AGBL1: variants seen among roughly 807,000 people sequenced by gnomAD.
AGBL1 encodes the protein cytosolic carboxypeptidase 4.
A neutral mutation model predicts 118.9 loss-of-function variants in AGBL1; 130 were observed. The ratio of observed to expected loss-of-function variants is 1.09; its 90% confidence interval spans 0.95 to 1.26. The LOEUF (loss-of-function observed/expected upper bound fraction) is 1.26, where lower values mean the gene tolerates loss of function less well. AGBL1 is among the 50% of genes most tolerant of loss of function. The pLI is 0.00. For synonymous variants in AGBL1, 555 were observed against 478.9 expected (o/e 1.16, Z -2.08); for missense variants, 1,584 against 1,298.1 (o/e 1.22, Z -3.38).
chr15:86,969,830 A>C (rs536055812), intron 23 of AGBL1, among the ~76,000 whole-genome samples: 4 of 152,088 alleles, frequency 2.6e-5, no homozygotes, highest in African/African-American at 9.6e-5. Flanking sequence ...ACAGCATGCT[A>C]TTAACCAAAT....
chr15:86,259,231 T>C (rs2078945422), intron 9 of AGBL1, among the ~76,000 whole-genome samples: 1 of 152,150 alleles, frequency 6.6e-6, no homozygotes, highest in African/African-American at 2.4e-5. Context: ...ACCAAAAATA[T>C]CTCTTAGACT....
At chr15:86,444,811 A>G (rs993430668) in intron 18 of AGBL1, among the ~76,000 whole-genome samples, 3 of 152,138 alleles carry the variant, frequency 2.0e-5, no homozygotes, top group African/African-American at 7.2e-5. Flanking sequence ...TCACAGTCCC[A>G]TGACAACCAC....
intron 20 of AGBL1, among the ~76,000 whole-genome samples, chr15:86,546,575 CA>C (rs1379474294): frequency 2.0e-5 from 3 of 151,874 alleles, no homozygotes. Context: ...ATACTGAATA[CA>C]AAAGGACTTC....
chr15:86,747,067 C>T (rs1396268886), intron 22 of AGBL1, among the ~76,000 whole-genome samples: 1 of 152,004 alleles, frequency 6.6e-6, no homozygotes, highest in Non-Finnish European at 1.5e-5. Flanking sequence ...AATGTCTCAG[C>T]TTCACAGCCC....
intron 1 of AGBL1, among the ~76,000 whole-genome samples, chr15:86,123,532 G>A (rs1432415943): frequency 2.0e-5 from 3 of 152,104 alleles, no homozygotes; most frequent in Non-Finnish European, 4.4e-5. Flanking sequence ...GAGATACCAC[G>A]CCCACCCCGG....
chr15:86,666,571 G>T (rs2085648822), intron 21 of AGBL1, among the ~76,000 whole-genome samples: 1 of 152,058 alleles, frequency 6.6e-6, no homozygotes, highest in African/African-American at 2.4e-5. Flanking sequence ...AATAACAGTG[G>T]TGAAAGCAGG....
intron 22 of AGBL1, among the ~76,000 whole-genome samples, chr15:86,756,302 G>C (rs1707930777): frequency 6.6e-6 from 1 of 151,278 alleles, no homozygotes. Flanking sequence ...CAGATTCCAA[G>C]TGAAGTTTGC....
intron 16 of AGBL1, among the ~76,000 whole-genome samples, chr15:86,292,901 G>A (rs1281183479): frequency 1.3e-5 from 2 of 152,186 alleles, no homozygotes; most frequent in Non-Finnish European, 2.9e-5. Context: ...GCTGATGAAG[G>A]TTGGGGAATA....
chr15:86,358,471 A>G (rs1357353198), intron 17 of AGBL1, among the ~76,000 whole-genome samples: 1 of 152,000 alleles, frequency 6.6e-6, no homozygotes, highest in East Asian at 1.9e-4. Context: ...GCGGTTGTGA[A>G]TTATCTTGCA....
chr15:86,916,287 G>A (rs1231405151), downstream of AGBL1: 1 of 152,168 alleles, frequency 6.6e-6, no homozygotes, highest in African/African-American at 2.4e-5. Context: ...TGTCCAAGGA[G>A]GCAAGCCGCA....
intron 5 of AGBL1, among the ~76,000 whole-genome samples, chr15:86,207,639 T>C (rs1469002814): frequency 6.6e-6 from 1 of 152,212 alleles, no homozygotes; most frequent in Admixed American, 6.5e-5. Flanking sequence ...ATAGGAATGC[T>C]TGTGATTTTT....
chr15:86,512,323 T>A (rs978149935), intron 18 of AGBL1, among the ~76,000 whole-genome samples: 1 of 151,964 alleles, frequency 6.6e-6, no homozygotes, highest in Non-Finnish European at 1.5e-5. Flanking sequence ...GGGAATGATA[T>A]TTCCTAGGTT....
At chr15:86,335,050 T>C (rs1186215021) in intron 17 of AGBL1, among the ~76,000 whole-genome samples, 2 of 152,008 alleles carry the variant, frequency 1.3e-5, no homozygotes, top group East Asian at 3.9e-4. Flanking sequence ...ATGAAGGACA[T>C]ATTTGGGGCC....
chr15:86,176,815 A>G (rs1026742314), intron 5 of AGBL1, among the ~76,000 whole-genome samples: 127 of 152,172 alleles, frequency 8.3e-4, no homozygotes, highest in Admixed American at 8.3e-3. Context: ...TACTAGTTTC[A>G]GGGCCCATGA....
At chr15:86,258,102 T>C in intron 9 of AGBL1, 71 bp downstream of exon 9, 1 of 1,510,642 alleles carries the variant, frequency 6.6e-7, no homozygotes, top group Non-Finnish European at 9.0e-7. Context: ...TTACTTCCTG[T>C]GTTTGCCCAA....
chr15:86,269,918 G>C lies in AGBL1; in HGVS notation c.1839-1G>C. 1 of 1,613,510 alleles carries C rather than the reference G, an allele frequency of 6.2e-7. No homozygotes were observed. Among genetic ancestry groups the C allele is most frequent in the Non-Finnish European group, 8.5e-7 (1 of 1,179,600 alleles). On this transcript the variant is annotated splice_acceptor_variant, in intron 13 of 22. Coordinates refer to ENST00000614907, the MANE Select transcript of AGBL1 (RefSeq NM_001386094.1). LOFTEE classifies it high-confidence loss of function. Reference sequence around the variant, plus strand: ...CCTCCAGTCTTGCTTCTGATCTGCAGGTTCGAGTATGACTTGCTGGTCAAC... The same window carrying C: ...CCTCCAGTCTTGCTTCTGATCTGCACGTTCGAGTATGACTTGCTGGTCAAC...
At chr15:86,106,532 G>C (rs1284946174) in intron 1 of AGBL1, among the ~76,000 whole-genome samples, 1 of 152,172 alleles carries the variant, frequency 6.6e-6, no homozygotes, top group East Asian at 1.9e-4. Context: ...AGACAATTTT[G>C]GTTTTCATAA....
chr15:86,894,200 G>GT (rs1243742152), intron 22 of AGBL1, among the ~76,000 whole-genome samples: 1 of 152,130 alleles, frequency 6.6e-6, no homozygotes, highest in Non-Finnish European at 1.5e-5. Flanking sequence ...CACTCTATCA[G>GT]TGGAACTACC....
At chr15:86,458,575 TCACTGAG>T (rs1356101708) in intron 18 of AGBL1, among the ~76,000 whole-genome samples, 3 of 152,224 alleles carry the variant, frequency 2.0e-5, no homozygotes, top group Non-Finnish European at 4.4e-5. Flanking sequence ...ACACCATTTG[TCACTGAG>T]CAAGCTGAAC....
Sources: gnomAD v4.1 joint callset for allele counts (sites outside exome capture counted in the v4.1 genomes callset) on GRCh38, gnomAD v4.1.1 for gene constraint, MANE v1.5 for transcripts, NCBI Gene and HGNC (gene_info 2026-07-23, HGNC 2026-07-21) for gene names.